ADAM15: variants seen among roughly 807,000 people sequenced by gnomAD.
ADAM15 encodes the protein ADAM metallopeptidase domain 15, also known as disintegrin and metalloproteinase domain-containing protein 15.
ADAM15 carries 77 observed loss-of-function variants against 113.8 expected under a neutral mutation model. The observed-to-expected ratio is 0.68, with a 90% CI of 0.56 to 0.82. ADAM15 has a LOEUF of 0.82. Among genes scored for constraint, ADAM15 ranks in the 40% least tolerant of loss-of-function variants. ADAM15 has a pLI of 0.00. For synonymous variants in ADAM15, 388 were observed against 454.1 expected (o/e 0.85, Z 1.85); for missense variants, 963 against 1,120.1 (o/e 0.86, Z 2.00).
chr1:155,061,560 C>T (rs1370376731), intron 20 of ADAM15, 71 bp downstream of exon 20: 1 of 1,468,566 alleles, frequency 6.8e-7, no homozygotes, highest in African/African-American at 1.4e-5. Flanking sequence ...CAGTTCTCAT[C>T]CCTGCTCCCT....
Position 155,056,334 on chromosome 1 carries a change from G to T in ADAM15, c.915-52G>T, listed in dbSNP as rs1473004929. 6.2e-7 allele frequency: 1 copy of T among 1,611,890 alleles called. No individual in the cohort carries two copies. The highest frequency in any genetic ancestry group is 8.5e-7 in the Non-Finnish European group (1 of 1,178,408). On this transcript the variant is annotated intron_variant, in intron 9 of 22. Coordinates refer to ENST00000356955, the MANE Select transcript of ADAM15 (RefSeq NM_207197.3). This position sits in a 1 kb window ranked among gnomAD's most constrained non-coding sequence, Gnocchi z 4.0. ...TCAGCACCCTACCTCAGCCCCTGAAGCTCTGACCACCGTGGCTTCTGGCCC... is the reference window on the plus strand; with the variant it reads ...TCAGCACCCTACCTCAGCCCCTGAATCTCTGACCACCGTGGCTTCTGGCCC...
Position 155,054,479 on chromosome 1 carries a change from C to T in ADAM15, c.585C>T (p.His195=), listed in dbSNP as rs754408510. 3 of 1,583,450 alleles carry T rather than the reference C, an allele frequency of 1.9e-6. No homozygotes were observed. Among genetic ancestry groups the T allele is most frequent in the Non-Finnish European group, 2.6e-6 (3 of 1,161,732 alleles). Residue 195 remains histidine, a synonymous_variant, in exon 6 of 23, where the codon CAC becomes CAT. Transcript: ENST00000356955. Reference sequence around the variant, plus strand: ...TACACACTCAGAAGCCACCAGAGCACCCCCTGGGACAGCGCCACATTCGCC... The same window carrying T: ...TACACACTCAGAAGCCACCAGAGCATCCCCTGGGACAGCGCCACATTCGCC... ...ESVHTQKPPE[H]PLGQRHIRRR...
chr1:155,052,878 A>C (rs1661262411), intron 2 of ADAM15, 101 bp downstream of exon 2: 1 of 1,462,850 alleles, frequency 6.8e-7, no homozygotes, highest in Non-Finnish European at 9.2e-7. Flanking sequence ...TGGTGGGTAG[A>C]GCTCACTGTA....
At position 155,058,796 on chromosome 1, in the gene ADAM15, G is replaced by A. The variant is rs373077960; in HGVS notation, c.1995+9G>A. 3.1e-6 allele frequency: 5 copies of A among 1,607,596 alleles called. No homozygotes were observed. In the African/African-American group the frequency reaches 6.7e-5, roughly 22 times the overall value. On this transcript the variant is annotated intron_variant, in intron 16 of 22. Transcript: ENST00000356955. The surrounding 1 kb of genome is among the most constrained non-coding windows in gnomAD (Gnocchi z 4.3). ...AATGCCATGGACATGGGGTGAGCTG[G>A]GATGGGGGAAGTGGAAGGGGAGCAG...
chr1:155,058,735 G>A lies in ADAM15; in HGVS notation c.1943G>A (p.Arg648His), dbSNP rs138027992. 54 of 1,613,702 alleles carry A rather than the reference G, an allele frequency of 3.3e-5. No homozygotes were observed. Among genetic ancestry groups the A allele is most frequent in the South Asian group, 6.6e-5 (6 of 91,018 alleles). ...GLVCIDHRCQ[R>H]VDLLGAQECR... Reference sequence around the variant, plus strand: ...GTGTGTATAGACCATCGATGCCAGCGTGTGGATCTCCTGGGGGCACAGGAA... The same window carrying A: ...GTGTGTATAGACCATCGATGCCAGCATGTGGATCTCCTGGGGGCACAGGAA... Residue 648 changes from arginine to histidine, a missense_variant, in exon 16 of 23, where the codon CGT (arginine) becomes CAT (histidine). Physicochemically the swap from Arg to His is conservative, Grantham distance 29. Transcript: ENST00000356955. This position sits in a 1 kb window ranked among gnomAD's most constrained non-coding sequence, Gnocchi z 4.3.
At chr1:155,060,084 G>C in intron 17 of ADAM15, 110 bp downstream of exon 17, 1 of 1,572,976 alleles carries the variant, frequency 6.4e-7, no homozygotes, top group African/African-American at 1.3e-5. Flanking sequence ...GGTTCCCTGA[G>C]TCTGTGCCCC....
Position 155,058,345 on chromosome 1 carries a change from G to A in ADAM15, c.1821G>A (p.Gly607=). The change falls in exon 15 of 23, where the codon GGG becomes GGA. Residue 607 remains glycine (G), a synonymous_variant. Transcript: ENST00000356955. This position sits in a 1 kb window ranked among gnomAD's most constrained non-coding sequence, Gnocchi z 4.3. ...DLLWETIDVN[G]TELNCSWVHL... ...TCTGGGAGACAATAGATGTGAATGGGACTGAGCTGAACTGCAGCTGGGTGC... is the reference window on the plus strand; with the variant it reads ...TCTGGGAGACAATAGATGTGAATGGAACTGAGCTGAACTGCAGCTGGGTGC... 1.9e-6 allele frequency: 3 copies of A among 1,614,068 alleles called. No individual in the cohort carries two copies. The highest frequency in any genetic ancestry group is 2.5e-6 in the Non-Finnish European group (3 of 1,180,038).
chr1:155,054,869 C>CA (rs912363724), intron 6 of ADAM15, among the ~76,000 whole-genome samples: 14 of 151,678 alleles, frequency 9.2e-5, no homozygotes, highest in African/African-American at 3.4e-4. Flanking sequence ...GACCTCGTCT[C>CA]AAAAAATAAA....
chr1:155,051,921 C>A (rs1661082958), intron 1 of ADAM15: 2 of 160,910 alleles, frequency 1.2e-5, no homozygotes, highest in African/African-American at 4.8e-5. Context: ...CTGGGGCCGC[C>A]AGGCACTCCT....
Position 155,056,966 on chromosome 1 carries a change from G to A in ADAM15, c.1013G>A (p.Ser338Asn), listed in dbSNP as rs1558125773. Residue 338 changes from serine (S) to asparagine (N), a missense_variant, in exon 11 of 23, where the codon AGC becomes AAC. Coordinates refer to ENST00000356955, the MANE Select transcript of ADAM15 (RefSeq NM_207197.3). This position sits in a 1 kb window ranked among gnomAD's most constrained non-coding sequence, Gnocchi z 4.0. The stretch of plus-strand genomic sequence containing the variant: ...CCCCAATGACAGGACCACTCCACCA[G>A]CATCCTGGGAGTCGCCTCCTCCATA... ...SGGVNMDHST[S>N]ILGVASSIAH... The A allele has an allele frequency of 2.6e-6, 4 of 1,566,272 alleles. No individual in the cohort carries two copies.
chr1:155,060,207 A>C lies in ADAM15; in HGVS notation c.2071A>C (p.Thr691Pro). ...PPDCTTQLKA[T>P]SSLTTGLLLS... ...TTAAACCTGACTTCCGCCCACAGCAACCAGCTCCCTGACCACAGGGCTGCT... is the reference window on the plus strand; with the variant it reads ...TTAAACCTGACTTCCGCCCACAGCACCCAGCTCCCTGACCACAGGGCTGCT... Residue 691 changes from threonine (T) to proline (P), a missense_variant and splice_region_variant, in exon 18 of 23, where the codon ACC (threonine) becomes CCC (proline). Physicochemically the swap from Thr to Pro is conservative, Grantham distance 38. Coordinates refer to ENST00000356955, the MANE Select transcript of ADAM15 (RefSeq NM_207197.3). 2 of 1,613,782 alleles carry C rather than the reference A, an allele frequency of 1.2e-6. No individual in the cohort carries two copies. Among genetic ancestry groups the C allele is most frequent in the Non-Finnish European group, 1.7e-6 (2 of 1,179,816 alleles).
intron 19 of ADAM15, chr1:155,061,171 A>T (rs1329305818): frequency 3.5e-6 from 2 of 579,036 alleles, no homozygotes. Flanking sequence ...CCGTAGGCCC[A>T]GGTCACCATG....
intron 19 of ADAM15, 25 bp from the exon 20 acceptor site, chr1:155,061,390 C>G (rs752256356): frequency 6.2e-7 from 1 of 1,606,386 alleles, no homozygotes; most frequent in African/African-American, 1.3e-5. Flanking sequence ...CCCTCTGTGC[C>G]TATCTGCCCC....
At chr1:155,061,004 G>A in intron 19 of ADAM15, 172 bp downstream of exon 19, 1 of 665,416 alleles carries the variant, frequency 1.5e-6, no homozygotes, top group Non-Finnish European at 2.5e-6. Context: ...TACAGGCAGG[G>A]AAGCTGAGTC....
chr1:155,051,746 G>C, intron 1 of ADAM15: 3 of 344,480 alleles, frequency 8.7e-6, no homozygotes, highest in Non-Finnish European at 1.6e-5. Context: ...CGAGGGGCCT[G>C]TCCAGCGCCA....
chr1:155,051,765 T>C (rs1288587584), intron 1 of ADAM15: 3 of 307,856 alleles, frequency 9.7e-6, no homozygotes, highest in African/African-American at 4.4e-5. Flanking sequence ...CACTTCAAGA[T>C]CGTGATGAGA....
At position 155,057,677 on chromosome 1, in the gene ADAM15, T is replaced by G; in HGVS notation, c.1364T>G (p.Leu455Arg). 6.2e-7 allele frequency: 1 copy of G among 1,614,204 alleles called. No homozygotes were observed. Among genetic ancestry groups the G allele is most frequent in the Non-Finnish European group, 8.5e-7 (1 of 1,180,042 alleles). The stretch of plus-strand genomic sequence containing the variant: ...TGCTGTGATTCTTTGACCTGCCAGC[T>G]GAGGCCAGGTGCACAGTGTGCATCT... ...DPCCDSLTCQ[L>R]RPGAQCASDG... Residue 455 changes from leucine to arginine, a missense_variant, in exon 13 of 23, where the codon CTG (leucine) becomes CGG (arginine). Leu to Arg is a moderately radical substitution (Grantham distance 102). Coordinates refer to ENST00000356955, the MANE Select transcript of ADAM15 (RefSeq NM_207197.3). This position sits in a 1 kb window ranked among gnomAD's most constrained non-coding sequence, Gnocchi z 5.0.
Position 155,058,031 on chromosome 1 carries a change from T to A in ADAM15, c.1597T>A (p.Ser533Thr). ...TGCCTCCTATGCCCAGCAGTGCCAG[T>A]CACTTTGGGGACCTGGAGCCCAGCC... ...RCASYAQQCQ[S>T]LWGPGAQPAA... The change falls in exon 14 of 23, where the codon TCA (serine) becomes ACA (threonine). Residue 533 changes from serine (S) to threonine (T), a missense_variant. By Grantham distance (58) the Ser-to-Thr change is moderately conservative (BLOSUM62 1). Coordinates refer to ENST00000356955, the MANE Select transcript of ADAM15 (RefSeq NM_207197.3). The surrounding 1 kb of genome is among the most constrained non-coding windows in gnomAD (Gnocchi z 4.3). 16 of 1,614,112 alleles carry A rather than the reference T, an allele frequency of 9.9e-6. No individual in the cohort carries two copies. The highest frequency in any genetic ancestry group is 1.4e-5 in the Non-Finnish European group (16 of 1,180,040).
At position 155,062,489 on chromosome 1, in the gene ADAM15, C is replaced by G. The variant is rs1361476075; in HGVS notation, c.2579C>G (p.Ser860Trp). 6 of 1,613,430 alleles carry G rather than the reference C, an allele frequency of 3.7e-6. No homozygotes were observed. In the Admixed American group the frequency reaches 8.3e-5, roughly 22 times the overall value. The change falls in exon 23 of 23, where the codon TCG (serine) becomes TGG (tryptophan). Residue 860 changes from serine to tryptophan, a missense_variant. By Grantham distance (177) the Ser-to-Trp change is radical (BLOSUM62 -3). Coordinates refer to ENST00000356955, the MANE Select transcript of ADAM15 (RefSeq NM_207197.3). The surrounding 1 kb of genome is among the most constrained non-coding windows in gnomAD (Gnocchi z 7.0). ...RPAPPPPTVS[S>W]LYL Reference sequence around the variant, plus strand: ...GCGCCACCGCCTCCGACAGTGTCCTCGCTCTACCTCTGACCTCTCCGGAGG... The same window carrying G: ...GCGCCACCGCCTCCGACAGTGTCCTGGCTCTACCTCTGACCTCTCCGGAGG...
Sources: allele counts gnomAD v4.1 joint callset (sites outside exome capture counted in the v4.1 genomes callset), GRCh38; gene constraint gnomAD v4.1.1; non-coding constraint Gnocchi (gnomAD v3.1); transcripts MANE v1.5; gene names NCBI Gene and HGNC (gene_info 2026-07-23, HGNC 2026-07-21).